PACRG: variants seen among roughly 807,000 people sequenced by gnomAD.
The protein encoded by PACRG is parkin coregulated.
A neutral mutation model predicts 29.7 loss-of-function variants in PACRG; 29 were observed. The ratio of observed to expected loss-of-function variants is 0.98; its 90% CI spans 0.73 to 1.33. The LOEUF (loss-of-function observed/expected upper bound fraction) is 1.33. PACRG is among the 40% of genes most tolerant of loss of function. The pLI is 0.00. For synonymous variants in PACRG, 116 were observed against 118.7 expected (o/e 0.98, Z 0.15); for missense variants, 279 against 316.2 (o/e 0.88, Z 0.89).
At chr6:162,932,845 A>G (rs1222128690) in intron 2 of PACRG, among the ~76,000 whole-genome samples, 1 of 151,878 alleles carries the variant, frequency 6.6e-6, no homozygotes, top group South Asian at 2.1e-4. Context: ...TCAGATTTCT[A>G]AAATATTTTT....
chr6:162,973,935 A>G (rs1801744312), intron 2 of PACRG, among the ~76,000 whole-genome samples: 1 of 152,228 alleles, frequency 6.6e-6, no homozygotes, highest in African/African-American at 2.4e-5. Context: ...ACAAGGAAAC[A>G]AGCCCCAAAG....
At chr6:162,839,642 G>T (rs1476531403) in intron 2 of PACRG, among the ~76,000 whole-genome samples, 1 of 151,526 alleles carries the variant, frequency 6.6e-6, no homozygotes, top group South Asian at 2.1e-4. Flanking sequence ...CATTGCTTTT[G>T]GTGTTTTAGA....
chr6:163,313,207 A>G (rs974992277), intron 4 of PACRG, among the ~76,000 whole-genome samples: 3 of 152,088 alleles, frequency 2.0e-5, no homozygotes, highest in Non-Finnish European at 4.4e-5. Context: ...CACATGTACT[A>G]TGAGGAACGA....
At chr6:162,844,763 T>G (rs1424603902) in intron 2 of PACRG, among the ~76,000 whole-genome samples, 1 of 152,254 alleles carries the variant, frequency 6.6e-6, no homozygotes, top group African/African-American at 2.4e-5. Flanking sequence ...TTGATCACAA[T>G]CCTTCATTGT....
chr6:162,956,011 G>A (rs1157636287), intron 2 of PACRG, among the ~76,000 whole-genome samples: 4 of 152,184 alleles, frequency 2.6e-5, no homozygotes, highest in African/African-American at 9.7e-5. Flanking sequence ...GGAAGCACAG[G>A]AGCCTGGAGG....
chr6:162,734,828 T>G (rs374566861), intron 1 of PACRG, among the ~76,000 whole-genome samples: 3 of 152,186 alleles, frequency 2.0e-5, no homozygotes, highest in African/African-American at 7.2e-5. Flanking sequence ...AACACACTGA[T>G]ACAACCAACA....
At chr6:163,299,747 C>T (rs558128508) in intron 4 of PACRG, among the ~76,000 whole-genome samples, 125 of 152,138 alleles carry the variant, frequency 8.2e-4, no homozygotes, top group African/African-American at 2.8e-3. Context: ...GGCATGGGGG[C>T]GCGTGCCTGT....
intron 4 of PACRG, among the ~76,000 whole-genome samples, chr6:163,140,691 T>G (rs993267166): frequency 6.6e-6 from 1 of 152,202 alleles, no homozygotes; most frequent in Non-Finnish European, 1.5e-5. Context: ...AATAAAAATT[T>G]AGAACACATG....
At chr6:162,746,013 C>T (rs1780959829) in intron 1 of PACRG, among the ~76,000 whole-genome samples, 1 of 151,714 alleles carries the variant, frequency 6.6e-6, no homozygotes, top group Admixed American at 6.6e-5. Context: ...TCAAGTTAGC[C>T]ATTGATGTGA....
At chr6:163,175,691 A>G (rs1240123999) in intron 4 of PACRG, among the ~76,000 whole-genome samples, 1 of 150,876 alleles carries the variant, frequency 6.6e-6, no homozygotes, top group Non-Finnish European at 1.5e-5. Context: ...GGCCTGTGAT[A>G]CTGTGAAACA....
At chr6:163,078,664 T>G (rs1812782963) in intron 3 of PACRG, among the ~76,000 whole-genome samples, 1 of 152,168 alleles carries the variant, frequency 6.6e-6, no homozygotes. Context: ...TACGGCAACA[T>G]TTTTTAGTCA....
At chr6:163,183,530 T>A (rs934699697) in intron 4 of PACRG, 1 of 151,476 alleles carries the variant, frequency 6.6e-6, no homozygotes, top group South Asian at 2.1e-4. Context: ...TTCCCATCAG[T>A]GGGAAGCAGA....
At chr6:163,100,518 C>A (rs548243838) in intron 4 of PACRG, among the ~76,000 whole-genome samples, 17 of 152,262 alleles carry the variant, frequency 1.1e-4, no homozygotes, top group African/African-American at 3.8e-4. Context: ...CAAGGCACGT[C>A]CCGCTGTCCC....
intron 4 of PACRG, chr6:163,112,112 A>T: frequency 1.2e-6 from 1 of 866,918 alleles, no homozygotes; most frequent in Non-Finnish European, 1.4e-6. Flanking sequence ...ATGGTAGAGT[A>T]AAAAGCACCA....
intron 4 of PACRG, among the ~76,000 whole-genome samples, chr6:163,106,619 C>T (rs1815396277): frequency 6.6e-6 from 1 of 152,110 alleles, no homozygotes. Context: ...ATTTTTATTG[C>T]ATATGTTTAT....
chr6:162,852,641 GGCT>G (rs1476688283), intron 2 of PACRG, among the ~76,000 whole-genome samples: 1 of 152,122 alleles, frequency 6.6e-6, no homozygotes, highest in Non-Finnish European at 1.5e-5. Flanking sequence ...CCATACATGT[GGCT>G]GAATACTAAT....
intron 4 of PACRG, among the ~76,000 whole-genome samples, chr6:163,176,611 A>G (rs1004221169): frequency 1.3e-5 from 2 of 152,224 alleles, no homozygotes; most frequent in African/African-American, 4.8e-5. Flanking sequence ...TCCTGTCCTT[A>G]AAGAGACTGC....
chr6:163,066,745 C>T (rs942624804), intron 3 of PACRG, among the ~76,000 whole-genome samples: 10 of 151,982 alleles, frequency 6.6e-5, no homozygotes, highest in Admixed American at 4.6e-4. Flanking sequence ...AACTTTACAA[C>T]TGAAAAAACA....
chr6:163,167,521 G>T (rs1226518759), intron 4 of PACRG, among the ~76,000 whole-genome samples: 5 of 152,128 alleles, frequency 3.3e-5, no homozygotes, highest in South Asian at 4.1e-4. Context: ...TTATAACTAT[G>T]TTGAGCTCCT....
Sources: gnomAD v4.1 joint callset for allele counts (sites outside exome capture counted in the v4.1 genomes callset) on GRCh38, gnomAD v4.1.1 for gene constraint, MANE v1.5 for transcripts, NCBI Gene and HGNC (gene_info 2026-07-23, HGNC 2026-07-21) for gene names.